ATIC: variants seen among roughly 807,000 people sequenced by gnomAD.
ATIC encodes the protein bifunctional purine biosynthesis protein ATIC.
A neutral mutation model predicts 72.5 loss-of-function variants in ATIC; 64 were observed. That is an observed-to-expected ratio of 0.88 (90% CI 0.72 to 1.09). The LOEUF is 1.09. Among genes scored for constraint, ATIC ranks in the 50% least tolerant of loss-of-function variants. ATIC has a pLI of 0.00. For missense variants in ATIC, 787 were observed against 732.4 expected (o/e 1.07, Z -0.86); for synonymous variants, 281 against 267.1 (o/e 1.05, Z -0.51).
intron 13 of ATIC, 133 bp from the exon 14 acceptor site, chr2:215,346,626 A>G (rs1026357956): frequency 1.1e-4 from 113 of 1,007,200 alleles, no homozygotes; most frequent in Non-Finnish European, 1.7e-4. Context: ...AATTATTTAT[A>G]TTTCTCTTAT....
At chr2:215,315,560 G>T (rs1239606199) in intron 2 of ATIC, among the ~76,000 whole-genome samples, 2 of 152,140 alleles carry the variant, frequency 1.3e-5, no homozygotes, top group African/African-American at 4.8e-5. Flanking sequence ...TCACCATGTT[G>T]TCTGTCTGGT....
intron 7 of ATIC, among the ~76,000 whole-genome samples, chr2:215,328,638 T>C (rs4673987): frequency 0.48 from 73,338 of 151,834 alleles, 19,030 homozygotes; most frequent in East Asian, 0.78. Context: ...CATCATGCTT[T>C]CATCCCATCA....
intron 7 of ATIC, among the ~76,000 whole-genome samples, chr2:215,329,799 G>T (rs1442246006): frequency 6.6e-6 from 1 of 151,884 alleles, no homozygotes; most frequent in Admixed American, 6.6e-5. Context: ...GTCTTGCTCT[G>T]TCGCCCAGGC....
intron 3 of ATIC, among the ~76,000 whole-genome samples, chr2:215,318,539 C>A (rs568600704): frequency 6.6e-6 from 1 of 152,240 alleles, no homozygotes; most frequent in African/African-American, 2.4e-5. Flanking sequence ...TATGAAAATA[C>A]TTTTAAAATA....
At chr2:215,322,804 C>T (rs565027173) in intron 4 of ATIC, among the ~76,000 whole-genome samples, 14 of 152,292 alleles carry the variant, frequency 9.2e-5, no homozygotes, top group South Asian at 8.3e-4. Flanking sequence ...TTTGCCCAAT[C>T]GAATGGTCTT....
At position 215,318,354 on chromosome 2, in the gene ATIC, T is replaced by A. The variant is rs78709969; in HGVS notation, c.223+121T>A. On this transcript the variant is annotated intron_variant, in intron 3 of 15. Coordinates refer to ENST00000236959, the MANE Select transcript of ATIC (RefSeq NM_004044.7). Reference sequence around the variant, plus strand: ...GAGAAATTTACATATAAAGTTAATGTTATGAAGTTGCTGCCAGATTTCATA... The same window carrying A: ...GAGAAATTTACATATAAAGTTAATGATATGAAGTTGCTGCCAGATTTCATA... 2.8e-3 allele frequency: 2,686 copies of A among 959,788 alleles called. 48 individuals carry two copies. In the African/African-American group the frequency reaches 0.038, roughly 13 times the overall value. The allele number at this position is 959,788 out of a possible 1,614,324, so 59.5% of individuals were successfully genotyped here. A position where few individuals can be genotyped will look rare whatever the true frequency, so the allele number is the denominator to read the frequency against.
chr2:215,362,410 G>A, the ATIC span: 449 of 319,050 alleles, frequency 1.4e-3, 3 homozygotes, highest in African/African-American at 9.2e-3. Flanking sequence ...TGATAGAAAA[G>A]GTTTTCAAAG....
downstream of ATIC, among the ~76,000 whole-genome samples, chr2:215,354,133 T>C (rs1362801847): frequency 6.6e-6 from 1 of 151,960 alleles, no homozygotes; most frequent in East Asian, 1.9e-4. Context: ...GTTCAAGCGA[T>C]TCTCATGCCT....
intron 11 of ATIC, among the ~76,000 whole-genome samples, chr2:215,337,418 G>A (rs2052968232): frequency 1.3e-5 from 2 of 152,078 alleles, no homozygotes; most frequent in African/African-American, 4.8e-5. Context: ...CCAGGCTAGA[G>A]TGCAGTGGTG....
intron 9 of ATIC, 151 bp downstream of exon 9, chr2:215,333,608 TAC>T: frequency 1.8e-6 from 1 of 547,110 alleles, no homozygotes; most frequent in Non-Finnish European, 3.2e-6. Flanking sequence ...TATGTAAATA[TAC>T]AGTTATTCTA....
chr2:215,324,970 G>T (rs898676497), intron 4 of ATIC, among the ~76,000 whole-genome samples: 4 of 152,110 alleles, frequency 2.6e-5, no homozygotes, highest in African/African-American at 9.7e-5. Context: ...GGTTATGCAA[G>T]CAGCAGCGTT....
chr2:215,361,699 AG>A, the ATIC span: 1 of 1,198,994 alleles, frequency 8.3e-7, no homozygotes, highest in South Asian at 1.2e-5. Flanking sequence ...AAATGCGGGG[AG>A]GTGGGGACTC....
chr2:215,352,114 A>G (rs1465986174), downstream of ATIC, among the ~76,000 whole-genome samples: 1 of 152,208 alleles, frequency 6.6e-6, no homozygotes, highest in African/African-American at 2.4e-5. Flanking sequence ...CCTGGATAGC[A>G]TCCTGGAACA....
At chr2:215,320,577 A>T (rs1575114304) in intron 4 of ATIC, among the ~76,000 whole-genome samples, 3 of 151,786 alleles carry the variant, frequency 2.0e-5, no homozygotes, top group East Asian at 2.0e-4. Flanking sequence ...TTTTATTCTT[A>T]ATTTAATTTA....
In ATIC at chr2:215,338,833, C is replaced by T. The variant is rs767505656; in HGVS notation, c.1153C>T (p.His385Tyr). ...TGAAGTTCGAACTCTCTTTGGTCTT[C>T]ATTTAAGCCAGAAGAGAAATAATGG... ...ENEVRTLFGL[H>Y]LSQKRNNGVV... Residue 385 changes from histidine (H) to tyrosine (Y), a missense_variant, in exon 12 of 16, where the codon CAT becomes TAT. His to Tyr is a moderately conservative substitution (Grantham distance 83, BLOSUM62 2). Coordinates refer to ENST00000236959, the MANE Select transcript of ATIC (RefSeq NM_004044.7). 1 of 1,613,808 alleles carries T rather than the reference C, an allele frequency of 6.2e-7. No individual in the cohort carries two copies. The highest frequency in any genetic ancestry group is 1.1e-5 in the South Asian group (1 of 91,060).
chr2:215,327,978 A>T (rs1478125435), intron 7 of ATIC, among the ~76,000 whole-genome samples: 3 of 150,484 alleles, frequency 2.0e-5, no homozygotes, highest in Non-Finnish European at 4.4e-5. Flanking sequence ...GGTTCAAGCG[A>T]TTCTCCTGCC....
chr2:215,350,479 T>C (rs773526313), downstream of ATIC, among the ~76,000 whole-genome samples: 2 of 152,152 alleles, frequency 1.3e-5, no homozygotes, highest in Non-Finnish European at 2.9e-5. Flanking sequence ...CTTGGTTGTC[T>C]ACTTTCCAAA....
rs1333002697 is a variant in ATIC, at chr2:215,329,234, T to C, written c.688+2256T>C. Among the ~76,000 whole-genome samples the C allele has an allele frequency of 2.6e-5, 4 of 152,228 alleles. No homozygotes were observed. The East Asian group carries it at 7.7e-4, about 29-fold the overall frequency. ...CCTGCTTATAGTTTATATTCTCCATTAAGATTCTGAGACAAAAAAATCCCC... is the reference window on the plus strand; with the variant it reads ...CCTGCTTATAGTTTATATTCTCCATCAAGATTCTGAGACAAAAAAATCCCC... On this transcript the variant is annotated intron_variant, in intron 7 of 15. Transcript: ENST00000236959.
chr2:215,326,169 A>G (rs1454203317), intron 6 of ATIC, 31 bp downstream of exon 6: 2 of 1,613,012 alleles, frequency 1.2e-6, no homozygotes, highest in Non-Finnish European at 1.7e-6. Context: ...ATTGTAAGTT[A>G]CATCCATGGA....
Sources: allele counts gnomAD v4.1 joint callset (sites outside exome capture counted in the v4.1 genomes callset), GRCh38; gene constraint gnomAD v4.1.1; transcripts MANE v1.5; gene names NCBI Gene and HGNC (gene_info 2026-07-23, HGNC 2026-07-21).